Variants in C2orf74 observed in about 807,000 individuals in gnomAD.
The protein encoded by C2orf74 is DPM1 ER membrane anchor 1, also known as uncharacterized protein C2orf74.
C2orf74 carries 14 observed loss-of-function variants against 17.9 expected under a neutral mutation model. That is an observed-to-expected ratio of 0.78 (90% CI 0.52 to 1.22). C2orf74 has a LOEUF of 1.22. C2orf74 is among the 50% of genes most tolerant of loss of function. The pLI is 0.00. For synonymous variants in C2orf74, 79 were observed against 72.6 expected (o/e 1.09, Z -0.44); for missense variants, 217 against 218.4 (o/e 0.99, Z 0.04).
At chr2:61,159,863 C>T (rs1685509992), upstream of C2orf74, among the ~76,000 whole-genome samples, 1 of 152,182 alleles carries the variant, frequency 6.6e-6, no homozygotes, top group African/African-American at 2.4e-5. Context: ...TTTAAGTGTG[C>T]AGTTCAGTGG....
chr2:61,162,664 G>A (rs1729673), intron 2 of C2orf74, 55 bp downstream of exon 2: 452,171 of 1,150,372 alleles, frequency 0.39, 92,367 homozygotes, highest in Middle Eastern at 0.5. Flanking sequence ...TAGCAAATGT[G>A]TATAGAAATA....
At chr2:61,157,189 C>A (rs113203114), upstream of C2orf74, among the ~76,000 whole-genome samples, 1 of 151,964 alleles carries the variant, frequency 6.6e-6, no homozygotes, top group Non-Finnish European at 1.5e-5. Context: ...TACAGGCCCA[C>A]GCCACCACGC....
At chr2:61,149,219 G>A (rs72811412) in intron 1 of C2orf74, among the ~76,000 whole-genome samples, 20,746 of 152,156 alleles carry the variant, frequency 0.14, 1,921 homozygotes, top group South Asian at 0.35. Flanking sequence ...TAACGTTTTT[G>A]TGGGGGATTA....
intron 1 of C2orf74, among the ~76,000 whole-genome samples, chr2:61,151,101 A>G (rs1685213886): frequency 6.6e-6 from 1 of 151,976 alleles, no homozygotes; most frequent in African/African-American, 2.4e-5. Flanking sequence ...GAGGATCACA[A>G]GGTCAGGAGT....
At chr2:61,151,075 T>C (rs996426942) in intron 1 of C2orf74, among the ~76,000 whole-genome samples, 7 of 152,000 alleles carry the variant, frequency 4.6e-5, no homozygotes, top group Admixed American at 2.0e-4. Context: ...CCCAGCACTT[T>C]GGGAGGCCGA....
At chr2:61,150,433 A>C (rs567399290) in intron 1 of C2orf74, among the ~76,000 whole-genome samples, 7 of 152,310 alleles carry the variant, frequency 4.6e-5, no homozygotes, top group Admixed American at 3.3e-4. Context: ...GAGGAGTGAG[A>C]GCCACAGTGA....
chr2:61,145,766 G>A (rs921760090), intron 1 of C2orf74, among the ~76,000 whole-genome samples: 2 of 152,094 alleles, frequency 1.3e-5, no homozygotes, highest in East Asian at 3.9e-4. Context: ...CACGATCACA[G>A]CTCACTACAG....
chr2:61,162,267 C>G lies in C2orf74; in HGVS notation c.-153C>G, dbSNP rs1685584497. ...GTGATCACACATGTCCCAGCTCAGT[C>G]TCCCCTCTGGCCACCTCAGCCCCCA... On this transcript the variant is annotated 5_prime_UTR_variant, in exon 1 of 5. Coordinates refer to ENST00000432605, the MANE Select transcript of C2orf74 (RefSeq NM_001143959.4). 2 of 527,566 alleles carry G rather than the reference C, an allele frequency of 3.8e-6. No homozygotes were observed. The highest frequency in any genetic ancestry group is 2.6e-5 in the South Asian group (1 of 38,200). The allele number at this position is 527,566 out of a possible 1,614,324, so 32.7% of individuals were successfully genotyped here.
chr2:61,147,424 C>T (rs559996914), intron 1 of C2orf74, among the ~76,000 whole-genome samples: 1 of 152,282 alleles, frequency 6.6e-6, no homozygotes, highest in East Asian at 1.9e-4. Context: ...AACAAGAGTT[C>T]ATCCAAAGTG....
intron 4 of C2orf74, among the ~76,000 whole-genome samples, chr2:61,163,613 T>C (rs865904034): frequency 6.6e-6 from 1 of 150,566 alleles, no homozygotes; most frequent in African/African-American, 2.4e-5. Context: ...AAAAAAATAA[T>C]AATAATAATA....
At chr2:61,148,163 T>TTA (rs939059370) in intron 1 of C2orf74, among the ~76,000 whole-genome samples, 1 of 147,716 alleles carries the variant, frequency 6.8e-6, no homozygotes, top group East Asian at 1.9e-4. Flanking sequence ...TGTATATGTA[T>TTA]TATATATATA....
chr2:61,154,893 T>TA (rs1338924156), intron 1 of C2orf74, among the ~76,000 whole-genome samples: 175 of 141,166 alleles, frequency 1.2e-3, no homozygotes, highest in East Asian at 1.8e-3. Flanking sequence ...CATCTCTACT[T>TA]AAAAAAAAAA....
At chr2:61,151,819 A>G (rs1217131533) in intron 1 of C2orf74, 1 of 152,234 alleles carries the variant, frequency 6.6e-6, no homozygotes, top group East Asian at 1.9e-4. Flanking sequence ...GAGATTTACT[A>G]CTATAAATCC....
At chr2:61,151,441 A>G (rs1685225503) in intron 1 of C2orf74, 1 of 150,776 alleles carries the variant, frequency 6.6e-6, no homozygotes, top group Non-Finnish European at 1.5e-5. Flanking sequence ...GCTTAATTCA[A>G]ACATTTATTA....
intron 4 of C2orf74, among the ~76,000 whole-genome samples, chr2:61,163,957 C>T (rs772884914): frequency 1.3e-5 from 2 of 152,052 alleles, no homozygotes; most frequent in Non-Finnish European, 2.9e-5. Flanking sequence ...GACCGCAGCC[C>T]CCTGTGCTAG....
intron 1 of C2orf74, among the ~76,000 whole-genome samples, chr2:61,148,891 A>G (rs1006233541): frequency 8.5e-5 from 13 of 152,058 alleles, no homozygotes; most frequent in African/African-American, 3.1e-4. Flanking sequence ...TAAGTTTTGT[A>G]TTTTCAGTAG....
At chr2:61,163,974 G>C (rs1179078525) in intron 4 of C2orf74, among the ~76,000 whole-genome samples, 1 of 151,930 alleles carries the variant, frequency 6.6e-6, no homozygotes, top group Non-Finnish European at 1.5e-5. Flanking sequence ...CTAGCTCCAG[G>C]GTCCTACAAC....
intron 1 of C2orf74, among the ~76,000 whole-genome samples, chr2:61,146,086 G>C (rs1685061312): frequency 6.6e-6 from 1 of 152,202 alleles, no homozygotes; most frequent in Admixed American, 6.5e-5. Context: ...AGTAATATGT[G>C]TATGAGATTA....
At chr2:61,149,574 CTTT>C (rs70959895) in intron 1 of C2orf74, among the ~76,000 whole-genome samples, 3 of 79,998 alleles carry the variant, frequency 3.8e-5, no homozygotes, top group African/African-American at 5.3e-5. Context: ...GGGCGCCTTT[CTTT>C]TTTTTTTTTT....
Sources: gnomAD v4.1 joint callset for allele counts (sites outside exome capture counted in the v4.1 genomes callset) on GRCh38, gnomAD v4.1.1 for gene constraint, MANE v1.5 for transcripts, NCBI Gene and HGNC (gene_info 2026-07-23, HGNC 2026-07-21) for gene names.